Variants in CTNNA2 observed in about 807,000 individuals in gnomAD.
CTNNA2 encodes catenin alpha 2, also known as catenin alpha-2.
CTNNA2 carries 42 observed loss-of-function variants against 101.0 expected under a neutral mutation model. The ratio of observed to expected loss-of-function variants is 0.42; its 90% CI spans 0.32 to 0.54. CTNNA2 has a LOEUF of 0.54. CTNNA2 is among the 20% of genes least tolerant of loss of function. The pLI, the probability that CTNNA2 is intolerant of heterozygous loss-of-function variation, is 0.14. For missense variants in CTNNA2, 871 were observed against 1,223.1 expected (o/e 0.71, Z 4.29); for synonymous variants, 450 against 456.4 (o/e 0.99, Z 0.18).
At chr2:80,162,472 T>C (rs1330263124) in intron 7 of CTNNA2, 1 of 1,599,894 alleles carries the variant, frequency 6.3e-7, no homozygotes, top group East Asian at 2.2e-5. Flanking sequence ...AGCGCCATTT[T>C]CCATCTCTGC....
rs926369226 is a variant in CTNNA2 at position 79,932,575 on chromosome 2, T to C, written c.1056+22778T>C. 2.0e-5 allele frequency among the ~76,000 whole-genome samples: 3 copies of C among 152,214 alleles called. No homozygotes were observed. In the East Asian group the frequency reaches 5.8e-4, roughly 29 times the overall value. On this transcript the variant is annotated intron_variant, in intron 7 of 18. Transcript: ENST00000402739. The stretch of plus-strand genomic sequence containing the variant: ...ATTTATGATGTAAGTGAGCCAGTTA[T>C]TGAAGTAAGCTTGCTGTGTGTACAC...
Position 79,466,222 on chromosome 2 carries a change from G to A in CTNNA2, c.-134-38832G>A, listed in dbSNP as rs1670932885. 1.3e-5 allele frequency among the ~76,000 whole-genome samples: 2 copies of A among 152,230 alleles called. 1 individual carries two copies. The highest frequency in any genetic ancestry group is 1.3e-4 in the Admixed American group (2 of 15,284). On this transcript the variant is annotated intron_variant, in intron 4 of 21. Coordinates refer to the CTNNA2 transcript ENST00000466387. ...CTTTTCCAATGGTCTTAGCACACCA[G>A]GAGATTATATCCTGCACCTGGCTTG... is the stretch of plus-strand genomic sequence containing the variant.
chr2:79,808,339 C>T (rs1160894134), intron 3 of CTNNA2, among the ~76,000 whole-genome samples: 6 of 152,146 alleles, frequency 3.9e-5, no homozygotes, highest in African/African-American at 1.2e-4. Flanking sequence ...AATATGTTGG[C>T]GAGGCCAATG....
intron 7 of CTNNA2, among the ~76,000 whole-genome samples, chr2:80,206,610 A>G (rs1343994286): frequency 6.6e-6 from 1 of 152,120 alleles, no homozygotes; most frequent in African/African-American, 2.4e-5. Context: ...AAGCGAGTGC[A>G]TTCTATGTTC....
At chr2:79,741,823 ATCT>A (rs1427714107) in intron 2 of CTNNA2, among the ~76,000 whole-genome samples, 2 of 152,114 alleles carry the variant, frequency 1.3e-5, no homozygotes, top group East Asian at 3.9e-4. Context: ...ATACTTATAT[ATCT>A]TCTTTATTTT....
intron 2 of CTNNA2, among the ~76,000 whole-genome samples, chr2:79,249,156 G>A (rs923060832): frequency 2.7e-5 from 4 of 149,852 alleles, no homozygotes; most frequent in Admixed American, 6.8e-5. Flanking sequence ...AATATATAGT[G>A]GACAGGATTA....
intron 2 of CTNNA2, among the ~76,000 whole-genome samples, chr2:79,736,205 T>A (rs1447085746): frequency 6.6e-6 from 1 of 152,198 alleles, no homozygotes; most frequent in Non-Finnish European, 1.5e-5. Flanking sequence ...ACATACAACA[T>A]ACATATATCT....
intron 7 of CTNNA2, among the ~76,000 whole-genome samples, chr2:79,956,420 G>C (rs1222626442): frequency 6.6e-6 from 1 of 152,064 alleles, no homozygotes; most frequent in Non-Finnish European, 1.5e-5. Flanking sequence ...TATATTGAAA[G>C]CTGATGGGAA....
At chr2:79,512,418 T>C (rs562780455), upstream of CTNNA2, among the ~76,000 whole-genome samples, 9 of 152,202 alleles carry the variant, frequency 5.9e-5, no homozygotes, top group African/African-American at 2.2e-4. Context: ...CAAATCTCCC[T>C]TCCTCTCCCC....
At chr2:80,196,279 C>T (rs1026993056) in intron 7 of CTNNA2, among the ~76,000 whole-genome samples, 1 of 152,138 alleles carries the variant, frequency 6.6e-6, no homozygotes, top group Non-Finnish European at 1.5e-5. Flanking sequence ...TTCAGCTCTT[C>T]CTAGTGTCTG....
At chr2:79,929,317 A>C (rs1004444082) in intron 7 of CTNNA2, among the ~76,000 whole-genome samples, 1 of 152,242 alleles carries the variant, frequency 6.6e-6, no homozygotes, top group African/African-American at 2.4e-5. Context: ...AGAAAAAGAT[A>C]GTGAGAGGAG....
intron 3 of CTNNA2, among the ~76,000 whole-genome samples, chr2:79,785,279 C>G (rs889717464): frequency 6.6e-6 from 1 of 152,048 alleles, no homozygotes; most frequent in Non-Finnish European, 1.5e-5. Context: ...GTGCTTAGTT[C>G]TCTGGATTTA....
intron 18 of CTNNA2, among the ~76,000 whole-genome samples, chr2:80,637,245 A>G (rs1231904657): frequency 2.0e-5 from 3 of 152,210 alleles, no homozygotes; most frequent in Non-Finnish European, 4.4e-5. Context: ...TGTGCCAGGC[A>G]CTCAACTTCA....
intron 7 of CTNNA2, among the ~76,000 whole-genome samples, chr2:80,296,576 G>A (rs1339840255): frequency 6.6e-6 from 1 of 152,132 alleles, no homozygotes; most frequent in Non-Finnish European, 1.5e-5. Context: ...GCAAGAGAAA[G>A]ACTTAAAAGG....
intron 4 of CTNNA2, among the ~76,000 whole-genome samples, chr2:79,469,256 C>A (rs190737754): frequency 2.0e-5 from 3 of 152,084 alleles, no homozygotes; most frequent in Non-Finnish European, 2.9e-5. Context: ...AACACCTCTA[C>A]GCAAATAAAC....
chr2:79,380,273 C>G (rs1424326137), intron 4 of CTNNA2, among the ~76,000 whole-genome samples: 1 of 148,854 alleles, frequency 6.7e-6, no homozygotes, highest in South Asian at 2.1e-4. Flanking sequence ...TTTTTTTTTC[C>G]GTGACTAAGA....
intron 7 of CTNNA2, among the ~76,000 whole-genome samples, chr2:80,134,400 T>G (rs147728856): frequency 2.5e-3 from 383 of 152,236 alleles, no homozygotes; most frequent in Non-Finnish European, 4.6e-3. Context: ...CCCCAAACCC[T>G]TTGGTTGGTA....
intron 7 of CTNNA2, among the ~76,000 whole-genome samples, chr2:79,963,122 A>C (rs946495526): frequency 6.6e-6 from 1 of 150,868 alleles, no homozygotes; most frequent in Non-Finnish European, 1.5e-5. Flanking sequence ...TGTCTCACAT[A>C]TTGCCATATT....
intron 6 of CTNNA2, among the ~76,000 whole-genome samples, chr2:79,903,987 C>CCGTACATGTGA (rs1312232419): frequency 6.6e-6 from 1 of 152,118 alleles, no homozygotes; most frequent in Non-Finnish European, 1.5e-5. Context: ...CTCTATGGCA[C>CCGTACATGTGA]CGTACATGTG....
Sources: gnomAD v4.1 joint callset for allele counts (sites outside exome capture counted in the v4.1 genomes callset) on GRCh38, gnomAD v4.1.1 for gene constraint, MANE v1.5 for transcripts, NCBI Gene and HGNC (gene_info 2026-07-23, HGNC 2026-07-21) for gene names.